The following ADGRE1 variants were observed in gnomAD, a reference collection of about 807,000 sequenced individuals.
ADGRE1 encodes EGF-like module receptor 1.
A neutral mutation model predicts 102.7 loss-of-function variants in ADGRE1; 82 were observed. The observed-to-expected ratio is 0.80, with a 90% confidence interval of 0.67 to 0.96. ADGRE1 has a LOEUF of 0.96. Ranked by LOEUF, ADGRE1 falls within the 40% of genes least tolerant of loss-of-function variation. The pLI is 0.00. For missense variants in ADGRE1, 1,032 were observed against 1,085.3 expected, an observed-to-expected ratio of 0.95 and a Z score of 0.69; for synonymous variants, 398 against 399.6, an observed-to-expected ratio of 1.00 and a Z score of 0.05.
At chr19:6,911,917 A>C (rs1485039101) in intron 10 of ADGRE1, among the ~76,000 whole-genome samples, 1 of 151,798 alleles carries the variant, frequency 6.6e-6, no homozygotes, top group African/African-American at 2.4e-5. Flanking sequence ...TTACACACAT[A>C]CACACATGTA....
intron 13 of ADGRE1, 151 bp downstream of exon 13, chr19:6,919,898 C>T: frequency 2.8e-6 from 2 of 714,482 alleles, no homozygotes; most frequent in Non-Finnish European, 4.6e-6. Context: ...CAGAAGCTAC[C>T]GCTAGAGGAA....
At chr19:6,929,188 A>G (rs1396186168) in intron 17 of ADGRE1, among the ~76,000 whole-genome samples, 1 of 152,112 alleles carries the variant, frequency 6.6e-6, no homozygotes, top group South Asian at 2.1e-4. Flanking sequence ...AGACACACAC[A>G]AGGAGTGAGT....
chr19:6,940,282 G>C lies in ADGRE1; in HGVS notation c.*253G>C. 1 of 575,666 alleles carries C rather than the reference G, an allele frequency of 1.7e-6. No homozygotes were observed. 35.7% of individuals were successfully genotyped at this position (575,666 alleles called of 1,614,324 possible). A position where few individuals can be genotyped will look rare whatever the true frequency, so the allele number is the denominator to read the frequency against. ...ACTTCTTCAATTCCAGAGTTTCTGA[G>C]AACAGACCCAAATTCAATGGCATGA... On this transcript the variant is annotated 3_prime_UTR_variant, in exon 21 of 21. Coordinates refer to ENST00000312053, the MANE Select transcript of ADGRE1 (RefSeq NM_001974.5).
chr19:6,907,341 A>ATTT (rs36079308), intron 9 of ADGRE1, among the ~76,000 whole-genome samples: 6 of 145,108 alleles, frequency 4.1e-5, no homozygotes, highest in African/African-American at 1.5e-4. Context: ...AGTTCTAGAA[A>ATTT]TTTTTTTTTT....
At chr19:6,894,318 G>A (rs1973476573) in intron 2 of ADGRE1, among the ~76,000 whole-genome samples, 1 of 152,118 alleles carries the variant, frequency 6.6e-6, no homozygotes, top group Admixed American at 6.6e-5. Flanking sequence ...TCCTTTTGAA[G>A]CTCACAGTGT....
chr19:6,935,910 A>G lies in ADGRE1; in HGVS notation c.2381+832A>G, dbSNP rs541586867. On this transcript the variant is annotated intron_variant, in intron 18 of 20. Coordinates refer to ENST00000312053, the MANE Select transcript of ADGRE1 (RefSeq NM_001974.5). Reference sequence around the variant, plus strand: ...GCTGATTTAATGCGTGAAATATTCTATCTCATTACTTTTGTTATACATATT... The same window carrying G: ...GCTGATTTAATGCGTGAAATATTCTGTCTCATTACTTTTGTTATACATATT... Among the ~76,000 whole-genome samples the G allele has an allele frequency of 9.2e-5, 14 of 152,290 alleles. No homozygotes were observed. The South Asian group carries it at 2.9e-3, about 32-fold the overall frequency.
chr19:6,923,524 CTTTCTT>C (rs747944144), intron 14 of ADGRE1, among the ~76,000 whole-genome samples: 2 of 151,824 alleles, frequency 1.3e-5, no homozygotes, highest in African/African-American at 2.4e-5. Flanking sequence ...CAGTTTTTTT[CTTTCTT>C]TTTCTTTTTC....
intron 2 of ADGRE1, chr19:6,896,132 GTCTCT>G (rs886505459): frequency 5.9e-5 from 22 of 370,772 alleles, no homozygotes; most frequent in African/African-American, 4.1e-4. Flanking sequence ...ATGTCTGTGT[GTCTCT>G]TCTCTTCTTA....
intron 20 of ADGRE1, 34 bp downstream of exon 20, chr19:6,937,682 C>T (rs369277826): frequency 1.9e-5 from 30 of 1,600,930 alleles, no homozygotes; most frequent in African/African-American, 1.3e-4. Context: ...AGGTGCTGGT[C>T]GAGGGAGGTG....
intron 14 of ADGRE1, among the ~76,000 whole-genome samples, 197 bp downstream of exon 14, chr19:6,922,080 T>C (rs557018650): frequency 6.6e-6 from 1 of 152,128 alleles, no homozygotes; most frequent in Non-Finnish European, 1.5e-5. Context: ...GAAACTCAAA[T>C]ATACAATGAG....
At chr19:6,897,578 T>C in intron 5 of ADGRE1, 31 bp downstream of exon 5, 3 of 1,494,418 alleles carry the variant, frequency 2.0e-6, no homozygotes, top group Non-Finnish European at 2.7e-6. Context: ...ATTATTTACC[T>C]ACTTAATTAA....
chr19:6,927,209 T>C (rs555830513), intron 16 of ADGRE1, among the ~76,000 whole-genome samples: 1,435 of 74,510 alleles, frequency 0.019, 18 homozygotes, highest in Non-Finnish European at 0.026. Context: ...CCCTCCTCCC[T>C]TCTTCCTCCC....
chr19:6,911,688 C>T lies in ADGRE1; in HGVS notation c.1123-1965C>T, dbSNP rs544535448. On this transcript the variant is annotated intron_variant, in intron 10 of 20. Coordinates refer to ENST00000312053, the MANE Select transcript of ADGRE1 (RefSeq NM_001974.5). ...ATACACATACATACAAATACATACA[C>T]GTATACACACGTGTACACACACATA... 5.3e-5 allele frequency among the ~76,000 whole-genome samples: 8 copies of T among 151,408 alleles called. No individual in the cohort carries two copies. In the South Asian group the frequency reaches 1.3e-3, roughly 24 times the overall value.
At chr19:6,936,461 A>G (rs1050445634) in intron 18 of ADGRE1, among the ~76,000 whole-genome samples, 6 of 151,062 alleles carry the variant, frequency 4.0e-5, no homozygotes, top group Non-Finnish European at 8.9e-5. Context: ...ACAAAAAGGT[A>G]AAACAAAGTT....
intron 2 of ADGRE1, among the ~76,000 whole-genome samples, chr19:6,892,889 G>T (rs980388771): frequency 6.6e-6 from 1 of 152,146 alleles, no homozygotes; most frequent in African/African-American, 2.4e-5. Flanking sequence ...TGACTCATAG[G>T]TAGTTGCCCT....
chr19:6,898,975 G>A (rs1384575203), intron 5 of ADGRE1, among the ~76,000 whole-genome samples: 2 of 152,040 alleles, frequency 1.3e-5, no homozygotes, highest in Non-Finnish European at 1.5e-5. Context: ...GGCCATTTCT[G>A]TTCAAGGTTA....
chr19:6,916,394 G>A, intron 12 of ADGRE1, 26 bp downstream of exon 12: 1 of 1,602,802 alleles, frequency 6.2e-7, no homozygotes, highest in Non-Finnish European at 8.5e-7. Flanking sequence ...TGAGAATGCA[G>A]GTTATGGTGT....
At chr19:6,913,938 T>A (rs754441952) in intron 11 of ADGRE1, 108 bp downstream of exon 11, 22 of 1,256,066 alleles carry the variant, frequency 1.8e-5, no homozygotes, top group Non-Finnish European at 2.4e-5. Flanking sequence ...CCCCAACTGT[T>A]TAAAAACTTT....
chr19:6,918,260 T>C lies in ADGRE1; in HGVS notation c.1421-1288T>C, dbSNP rs183304209. 1.2e-4 allele frequency among the ~76,000 whole-genome samples: 19 copies of C among 152,086 alleles called. No individual in the cohort carries two copies. The East Asian group carries it at 3.5e-3, about 28-fold the overall frequency. On this transcript the variant is annotated intron_variant, in intron 12 of 20. Coordinates refer to ENST00000312053, the MANE Select transcript of ADGRE1 (RefSeq NM_001974.5). ...TTCAAGACCAGCCTGGCCAACATGG[T>C]GAAACCCCGTCTCCACTAAAAATAC...
Sources: gnomAD v4.1 joint callset for allele counts (sites outside exome capture counted in the v4.1 genomes callset) on GRCh38, gnomAD v4.1.1 for gene constraint, MANE v1.5 for transcripts, NCBI Gene and HGNC (gene_info 2026-07-23, HGNC 2026-07-21) for gene names.